The following SHISA9 variants were observed in gnomAD, a reference collection of about 807,000 sequenced individuals.
SHISA9 encodes the protein shisa family member 9.
In SHISA9, 13 loss-of-function variants were observed where a neutral mutation model predicts 38.0. The ratio of observed to expected loss-of-function variants is 0.34; its 90% CI spans 0.22 to 0.54. The LOEUF (loss-of-function observed/expected upper bound fraction) is 0.54. SHISA9 is among the 20% of genes least tolerant of loss of function. The pLI, the probability that SHISA9 is intolerant of heterozygous loss-of-function variation, is 0.91. For missense variants in SHISA9, 538 were observed against 575.8 expected (o/e 0.93, Z 0.67); for synonymous variants, 275 against 242.0 (o/e 1.14, Z -1.27).
chr16:13,042,508 C>T (rs1284124227), intron 2 of SHISA9, among the ~76,000 whole-genome samples: 1 of 152,210 alleles, frequency 6.6e-6, no homozygotes, highest in Non-Finnish European at 1.5e-5. Flanking sequence ...CAGTTGTTCT[C>T]ATCAAAGTCT....
chr16:12,987,769 G>A (rs1380650811), intron 2 of SHISA9, among the ~76,000 whole-genome samples: 3 of 152,110 alleles, frequency 2.0e-5, no homozygotes, highest in Non-Finnish European at 4.4e-5. Flanking sequence ...AAAAGAAAAA[G>A]CAATTAGAGC....
chr16:13,078,103 T>C (rs2073604554), intron 2 of SHISA9, among the ~76,000 whole-genome samples: 1 of 152,134 alleles, frequency 6.6e-6, no homozygotes. Context: ...TGGAAACAGG[T>C]TTGATTCTCT....
chr16:12,978,469 A>G (rs1345755649), intron 2 of SHISA9, among the ~76,000 whole-genome samples: 1 of 152,258 alleles, frequency 6.6e-6, no homozygotes, highest in Non-Finnish European at 1.5e-5. Flanking sequence ...ATGGTAAATA[A>G]TTTGAAATAT....
the SHISA9 span, among the ~76,000 whole-genome samples, chr16:13,396,181 A>C: frequency 6.6e-6 from 1 of 152,190 alleles, no homozygotes; most frequent in African/African-American, 2.4e-5. Flanking sequence ...GAATCTTCCA[A>C]ATGGATGAGT....
At chr16:13,061,289 T>C (rs2073372928) in intron 2 of SHISA9, among the ~76,000 whole-genome samples, 2 of 152,184 alleles carry the variant, frequency 1.3e-5, no homozygotes, top group Admixed American at 1.3e-4. Flanking sequence ...AAAAGAATCA[T>C]TCCGCAGCCT....
At chr16:13,182,816 C>A (rs539133957) in intron 2 of SHISA9, among the ~76,000 whole-genome samples, 19 of 152,074 alleles carry the variant, frequency 1.2e-4, no homozygotes, top group African/African-American at 3.1e-4. Context: ...ACAACAACAA[C>A]AAAAAACAAT....
the SHISA9 span, among the ~76,000 whole-genome samples, chr16:13,395,937 G>A: frequency 2.6e-5 from 4 of 152,288 alleles, no homozygotes; most frequent in East Asian, 7.7e-4. Context: ...AAAGGTAGGA[G>A]CAGAGCTAGA....
chr16:13,330,201 A>G, the SHISA9 span, among the ~76,000 whole-genome samples: 8 of 152,172 alleles, frequency 5.3e-5, no homozygotes, highest in African/African-American at 1.7e-4. Flanking sequence ...AGATATCTCC[A>G]TTTCACCCGA....
chr16:13,459,444 G>A, the SHISA9 span, among the ~76,000 whole-genome samples: 124 of 152,248 alleles, frequency 8.1e-4, no homozygotes, highest in African/African-American at 2.9e-3. Context: ...GTAGAAGCAA[G>A]ATACAGTACT....
At chr16:13,361,091 C>T in the SHISA9 span, among the ~76,000 whole-genome samples, 9 of 152,188 alleles carry the variant, frequency 5.9e-5, no homozygotes, top group Non-Finnish European at 1.0e-4. Context: ...TATTCTTCAC[C>T]TTTCTAGTAC....
intron 1 of SHISA9, chr16:12,910,686 G>A (rs915622513): frequency 9.8e-5 from 97 of 985,278 alleles, no homozygotes; most frequent in Non-Finnish European, 1.2e-4. Context: ...TGAACTGGGT[G>A]GAAGGCTATC....
the SHISA9 span, among the ~76,000 whole-genome samples, chr16:13,435,561 C>G: frequency 1.3e-5 from 2 of 152,172 alleles, no homozygotes; most frequent in Non-Finnish European, 2.9e-5. Context: ...AATACACAAA[C>G]TATCCCAACC....
chr16:12,967,664 C>G (rs1239119146), intron 2 of SHISA9, among the ~76,000 whole-genome samples: 2 of 148,968 alleles, frequency 1.3e-5, no homozygotes, highest in Non-Finnish European at 3.0e-5. Flanking sequence ...AACAGTGCAT[C>G]AAATAAAAAA....
At chr16:13,378,704 G>GTC in the SHISA9 span, among the ~76,000 whole-genome samples, 1 of 152,186 alleles carries the variant, frequency 6.6e-6, no homozygotes, top group Non-Finnish European at 1.5e-5. Flanking sequence ...TATTTAATGT[G>GTC]TCTCTATAAG....
chr16:13,330,259 AT>A, the SHISA9 span, among the ~76,000 whole-genome samples: 2 of 152,178 alleles, frequency 1.3e-5, no homozygotes, highest in South Asian at 2.1e-4. Flanking sequence ...ATCAACCAGG[AT>A]TTTTTTCATT....
rs139525671 is a variant in SHISA9, at chr16:12,974,372, G to A, written c.691+57557G>A. On this transcript the variant is annotated intron_variant, in intron 2 of 4. Coordinates refer to ENST00000558583, the MANE Select transcript of SHISA9 (RefSeq NM_001145204.3). ...AAAGAAGGAGGCATGGAAACCAGGCGGGCAAAAATGACCAAGACTCCCTAA... is the reference window on the plus strand; with the variant it reads ...AAAGAAGGAGGCATGGAAACCAGGCAGGCAAAAATGACCAAGACTCCCTAA... Among the ~76,000 whole-genome samples the A allele has an allele frequency of 7.6e-4, 116 of 151,646 alleles. 1 individual carries two copies. Among genetic ancestry groups the A allele is most frequent in the African/African-American group, 2.7e-3 (111 of 41,358 alleles).
At chr16:13,070,321 G>T (rs866448645) in intron 2 of SHISA9, among the ~76,000 whole-genome samples, 1 of 151,762 alleles carries the variant, frequency 6.6e-6, no homozygotes, top group Middle Eastern at 3.4e-3. Flanking sequence ...TCCTCCTTCC[G>T]TATGCCCAGC....
chr16:13,461,657 A>G, the SHISA9 span, among the ~76,000 whole-genome samples: 1 of 119,676 alleles, frequency 8.4e-6, no homozygotes, highest in Non-Finnish European at 1.6e-5. Flanking sequence ...TCTGTCACCC[A>G]GGCTAGAGTG....
At chr16:13,222,993 C>T (rs1162682863) in intron 4 of SHISA9, among the ~76,000 whole-genome samples, 1 of 152,276 alleles carries the variant, frequency 6.6e-6, no homozygotes, top group East Asian at 1.9e-4. Flanking sequence ...CTCTTCAATA[C>T]TCTCCATCCC....
Sources: allele counts gnomAD v4.1 joint callset (sites outside exome capture counted in the v4.1 genomes callset), GRCh38; gene constraint gnomAD v4.1.1; transcripts MANE v1.5; gene names NCBI Gene and HGNC (gene_info 2026-07-23, HGNC 2026-07-21).